Variants in PHACTR1 observed in about 807,000 individuals in gnomAD.
The protein encoded by PHACTR1 is phosphatase and actin regulator 1.
In PHACTR1, 16 loss-of-function variants were observed where a neutral mutation model predicts 69.2. That is an observed-to-expected ratio of 0.23 (90% CI 0.16 to 0.35). The LOEUF (loss-of-function observed/expected upper bound fraction) is 0.35. Ranked by LOEUF, PHACTR1 falls within the 10% of genes least tolerant of loss-of-function variation. The pLI is 1.00. For synonymous variants in PHACTR1, 312 were observed against 284.5 expected (o/e 1.10, Z -0.97); for missense variants, 510 against 734.7 (o/e 0.69, Z 3.54).
At chr6:13,001,341 T>A (rs1798074809) in intron 4 of PHACTR1, among the ~76,000 whole-genome samples, 1 of 151,900 alleles carries the variant, frequency 6.6e-6, no homozygotes, top group African/African-American at 2.4e-5. Context: ...GGAAGAAAAA[T>A]TAATAAGTCT....
intron 4 of PHACTR1, among the ~76,000 whole-genome samples, chr6:13,046,829 A>C (rs1805136414): frequency 6.6e-6 from 1 of 152,098 alleles, no homozygotes; most frequent in Non-Finnish European, 1.5e-5. Flanking sequence ...AAAAATCAAA[A>C]AACAACAACA....
At chr6:12,862,139 TGAAAG>T (rs543163367) in intron 4 of PHACTR1, among the ~76,000 whole-genome samples, 1 of 152,022 alleles carries the variant, frequency 6.6e-6, no homozygotes, top group Non-Finnish European at 1.5e-5. Flanking sequence ...TATGGAAGTG[TGAAAG>T]GAGAGAGCAG....
At chr6:12,883,691 G>A (rs1173576622) in intron 4 of PHACTR1, among the ~76,000 whole-genome samples, 1 of 152,020 alleles carries the variant, frequency 6.6e-6, no homozygotes, top group Non-Finnish European at 1.5e-5. Flanking sequence ...TTCTCCCTGC[G>A]GGTCTGAGAG....
chr6:12,884,211 C>T (rs144345102), intron 4 of PHACTR1, among the ~76,000 whole-genome samples: 92 of 152,294 alleles, frequency 6.0e-4, no homozygotes, highest in African/African-American at 2.2e-3. Context: ...GGGCAGGGAC[C>T]TGACCCATAC....
chr6:13,001,555 A>G (rs896730475), intron 4 of PHACTR1, among the ~76,000 whole-genome samples: 3 of 152,172 alleles, frequency 2.0e-5, no homozygotes, highest in Non-Finnish European at 1.5e-5. Context: ...GCAACAGCCC[A>G]GAAGTCTTTC....
At chr6:12,967,813 A>AT (rs1320206576) in intron 4 of PHACTR1, among the ~76,000 whole-genome samples, 2 of 152,234 alleles carry the variant, frequency 1.3e-5, no homozygotes, top group African/African-American at 4.8e-5. Context: ...AATTCACTCC[A>AT]TATGTTTCTG....
chr6:13,157,918 G>C (rs1758417748), intron 5 of PHACTR1, among the ~76,000 whole-genome samples: 1 of 151,834 alleles, frequency 6.6e-6, no homozygotes, highest in South Asian at 2.1e-4. Context: ...AGTCTCCGTG[G>C]GTTGCCCAGG....
chr6:13,232,093 A>G (rs375609787), intron 10 of PHACTR1, among the ~76,000 whole-genome samples: 3 of 152,226 alleles, frequency 2.0e-5, no homozygotes, highest in Non-Finnish European at 2.9e-5. Context: ...GTGTTTCTGC[A>G]TATGTAAAAG....
intron 4 of PHACTR1, among the ~76,000 whole-genome samples, chr6:12,808,369 T>C (rs1227169414): frequency 6.6e-6 from 1 of 152,222 alleles, no homozygotes; most frequent in Non-Finnish European, 1.5e-5. Context: ...CATCAGTACA[T>C]ACTGAAAGTA....
At chr6:13,191,592 A>C (rs1269293128) in intron 7 of PHACTR1, among the ~76,000 whole-genome samples, 1 of 152,124 alleles carries the variant, frequency 6.6e-6, no homozygotes, top group Non-Finnish European at 1.5e-5. Flanking sequence ...TGGCCATGGG[A>C]TGATTAAGGC....
At chr6:13,163,624 T>C (rs1161060405) in intron 6 of PHACTR1, among the ~76,000 whole-genome samples, 3 of 152,240 alleles carry the variant, frequency 2.0e-5, no homozygotes, top group African/African-American at 7.2e-5. Context: ...ATAAAAGCAC[T>C]CATTTTGTAT....
chr6:12,794,891 G>A (rs1772778821), intron 4 of PHACTR1, among the ~76,000 whole-genome samples: 1 of 152,178 alleles, frequency 6.6e-6, no homozygotes, highest in Admixed American at 6.5e-5. Context: ...GGCATTGTAG[G>A]AAGAGTTATG....
At chr6:13,208,809 T>C (rs939036393) in intron 8 of PHACTR1, among the ~76,000 whole-genome samples, 3 of 152,196 alleles carry the variant, frequency 2.0e-5, no homozygotes, top group Non-Finnish European at 2.9e-5. Context: ...AGTTTTATAA[T>C]ATCTGTGGGT....
At chr6:12,736,118 T>C (rs1017845294) in intron 3 of PHACTR1, among the ~76,000 whole-genome samples, 1 of 152,186 alleles carries the variant, frequency 6.6e-6, no homozygotes, top group African/African-American at 2.4e-5. Context: ...AAAAGAAAAA[T>C]GTTCCAGGAT....
chr6:13,264,538 G>A (rs1345061896), intron 10 of PHACTR1, among the ~76,000 whole-genome samples: 1 of 152,126 alleles, frequency 6.6e-6, no homozygotes, highest in African/African-American at 2.4e-5. Flanking sequence ...TGGCCAACAT[G>A]GTGAAACCCC....
intron 7 of PHACTR1, among the ~76,000 whole-genome samples, chr6:13,191,502 C>A (rs1488885356): frequency 6.6e-6 from 1 of 152,194 alleles, no homozygotes; most frequent in Non-Finnish European, 1.5e-5. Context: ...GCAGGGCAGA[C>A]AGAGCACTTT....
chr6:13,058,085 C>G (rs1807076935), intron 5 of PHACTR1, among the ~76,000 whole-genome samples: 1 of 152,214 alleles, frequency 6.6e-6, no homozygotes, highest in African/African-American at 2.4e-5. Flanking sequence ...GAGCCTGATA[C>G]ATTCAGCTTC....
chr6:13,272,690 A>C (rs1778006496), intron 10 of PHACTR1, 170 bp from the exon 11 acceptor site: 1 of 1,546,858 alleles, frequency 6.5e-7, no homozygotes, highest in South Asian at 1.2e-5. Context: ...CCTGGGCTTG[A>C]AATTGAGGAA....
At chr6:12,740,242 G>T (rs1349630415) in intron 3 of PHACTR1, among the ~76,000 whole-genome samples, 1 of 152,028 alleles carries the variant, frequency 6.6e-6, no homozygotes, top group Non-Finnish European at 1.5e-5. Context: ...ATTGTTCCCA[G>T]TTTGGGGTCA....
Sources: gnomAD v4.1 joint callset for allele counts (sites outside exome capture counted in the v4.1 genomes callset) on GRCh38, gnomAD v4.1.1 for gene constraint, MANE v1.5 for transcripts, NCBI Gene and HGNC (gene_info 2026-07-23, HGNC 2026-07-21) for gene names.